EYA4: variants seen among roughly 807,000 people sequenced by gnomAD.
EYA4 encodes the protein protein phosphatase EYA4.
Under a neutral mutation model 87.9 loss-of-function variants are expected in EYA4, and 31 were observed. The observed-to-expected ratio is 0.35, with a 90% CI of 0.27 to 0.48. EYA4 has a LOEUF of 0.48. Among genes scored for constraint, EYA4 ranks in the 20% least tolerant of loss-of-function variants. The probability of loss-of-function intolerance (pLI) is 0.99; values close to 1 mark genes in which losing one functional copy is unlikely to be tolerated. For missense variants in EYA4, 678 were observed against 761.4 expected, an observed-to-expected ratio of 0.89 and a Z score of 1.29; for synonymous variants, 263 against 270.6, an observed-to-expected ratio of 0.97 and a Z score of 0.28.
intron 17 of EYA4, among the ~76,000 whole-genome samples, chr6:133,521,115 G>A (rs1474941531): frequency 6.6e-6 from 1 of 150,540 alleles, no homozygotes; most frequent in African/African-American, 2.4e-5. Context: ...TTGACAAATG[G>A]GATCTAATTA....
At chr6:133,324,659 C>G (rs916967251) in intron 2 of EYA4, among the ~76,000 whole-genome samples, 3 of 151,904 alleles carry the variant, frequency 2.0e-5, no homozygotes, top group Non-Finnish European at 4.4e-5. Flanking sequence ...GATAGGAGAC[C>G]AATACCAGGT....
chr6:133,387,006 C>A (rs1353622382), intron 3 of EYA4, among the ~76,000 whole-genome samples: 1 of 152,118 alleles, frequency 6.6e-6, no homozygotes, highest in Admixed American at 6.5e-5. Context: ...CTAGTCTTTA[C>A]TAACTTTCCA....
At chr6:133,527,082 A>G (rs1732189025) in intron 19 of EYA4, among the ~76,000 whole-genome samples, 2 of 152,224 alleles carry the variant, frequency 1.3e-5, no homozygotes, top group African/African-American at 4.8e-5. Flanking sequence ...ATGGAAAACA[A>G]TCTCAGATAG....
chr6:133,422,132 G>A (rs1344194615), intron 3 of EYA4, among the ~76,000 whole-genome samples: 7 of 151,940 alleles, frequency 4.6e-5, no homozygotes, highest in Admixed American at 2.0e-4. Flanking sequence ...CCTATATAAG[G>A]CCTTATAATC....
intron 11 of EYA4, among the ~76,000 whole-genome samples, chr6:133,479,677 A>AATTGTCACTTTATACATATAATTTAAATC (rs1363604591): frequency 1.3e-5 from 2 of 152,176 alleles, no homozygotes; most frequent in African/African-American, 4.8e-5. Context: ...CTGTCTTGGA[A>AATTGTCACTTTATACATATAATTTAAATC]ATTGTCACTT....
chr6:133,296,109 G>A (rs2128305856), intron 2 of EYA4, among the ~76,000 whole-genome samples: 1 of 152,282 alleles, frequency 6.6e-6, no homozygotes, highest in African/African-American at 2.4e-5. Flanking sequence ...GTGAGCTTAT[G>A]GGAATACATG....
At chr6:133,267,773 G>A (rs1776346677) in intron 1 of EYA4, among the ~76,000 whole-genome samples, 1 of 152,100 alleles carries the variant, frequency 6.6e-6, no homozygotes, top group Admixed American at 6.6e-5. Context: ...CAAAGATGAG[G>A]CTGTTTCTAG....
chr6:133,388,393 TGA>T (rs1410744638), intron 3 of EYA4, among the ~76,000 whole-genome samples: 1 of 136,978 alleles, frequency 7.3e-6, no homozygotes, highest in Non-Finnish European at 1.6e-5. Context: ...GGCAACAGAG[TGA>T]GACTCGGTCT....
Position 133,530,557 on chromosome 6 carries a change from A to G in EYA4, c.*1752A>G, listed in dbSNP as rs931161902. 4.5e-5 allele frequency: 44 copies of G among 985,738 alleles called. No individual in the cohort carries two copies. The highest frequency in any genetic ancestry group is 1.6e-4 in the African/African-American group (9 of 57,240). The allele number at this position is 985,738 out of a possible 1,614,324, so 61.1% of individuals were successfully genotyped here. A position where few individuals can be genotyped will look rare whatever the true frequency, so the allele number is the denominator to read the frequency against. On this transcript the variant is annotated 3_prime_UTR_variant, in exon 20 of 20. Transcript: ENST00000355286. Reference sequence around the variant, plus strand: ...CAGAGGCTGGTTCATGAGTTCATCAACTGAGGCCTCTGTGGCTTCAATAAA... The same window carrying G: ...CAGAGGCTGGTTCATGAGTTCATCAGCTGAGGCCTCTGTGGCTTCAATAAA...
intron 17 of EYA4, among the ~76,000 whole-genome samples, chr6:133,519,642 TTA>T (rs1397252396): frequency 1.3e-5 from 2 of 150,998 alleles, no homozygotes; most frequent in Non-Finnish European, 2.9e-5. Flanking sequence ...CTAACTCATT[TTA>T]TGAGGCCAGC....
intron 2 of EYA4, among the ~76,000 whole-genome samples, chr6:133,341,804 A>T (rs1361232398): frequency 6.6e-6 from 1 of 151,916 alleles, no homozygotes; most frequent in Non-Finnish European, 1.5e-5. Flanking sequence ...TTAAGGGGAA[A>T]AAAAAACTTA....
At chr6:133,441,931 C>T (rs554088973) in intron 3 of EYA4, among the ~76,000 whole-genome samples, 20 of 151,750 alleles carry the variant, frequency 1.3e-4, no homozygotes, top group Non-Finnish European at 2.4e-4. Flanking sequence ...TCTAACAATA[C>T]ATATATTTTT....
chr6:133,345,804 A>G (rs1176072772), intron 2 of EYA4, among the ~76,000 whole-genome samples: 1 of 152,254 alleles, frequency 6.6e-6, no homozygotes, highest in Non-Finnish European at 1.5e-5. Flanking sequence ...TTAATTTTAA[A>G]GGAAAAGTCT....
rs531592222 is a variant in EYA4, at chr6:133,262,946, T to C, written c.-65-11770T>C. ...TTTCTACGGCCAGGGAGGAGAGTCA[T>C]GTGCATAGTCCAAGAATGTGCATCT... On this transcript the variant is annotated intron_variant, in intron 1 of 19. Coordinates refer to ENST00000355286, the MANE Select transcript of EYA4 (RefSeq NM_004100.5). 2.0e-5 allele frequency among the ~76,000 whole-genome samples: 3 copies of C among 152,172 alleles called. No homozygotes were observed. The East Asian group carries it at 5.8e-4, about 29-fold the overall frequency.
At chr6:133,297,043 T>C (rs936164246) in intron 2 of EYA4, among the ~76,000 whole-genome samples, 1 of 152,244 alleles carries the variant, frequency 6.6e-6, no homozygotes, top group Non-Finnish European at 1.5e-5. Context: ...GCATTAATTC[T>C]TTCTGGTGAA....
intron 1 of EYA4, among the ~76,000 whole-genome samples, chr6:133,269,115 C>A (rs1019799375): frequency 1.6e-4 from 24 of 152,106 alleles, no homozygotes; most frequent in African/African-American, 5.6e-4. Context: ...AAAAATTAGC[C>A]AGGCGTGGTG....
intron 2 of EYA4, among the ~76,000 whole-genome samples, chr6:133,308,168 G>A (rs1242370739): frequency 6.6e-6 from 1 of 152,092 alleles, no homozygotes; most frequent in Non-Finnish European, 1.5e-5. Context: ...AGTCTCAGGT[G>A]TTTCTTCATA....
intron 2 of EYA4, among the ~76,000 whole-genome samples, chr6:133,365,051 C>G (rs571814683): frequency 6.2e-4 from 94 of 152,298 alleles, no homozygotes; most frequent in African/African-American, 2.1e-3. Context: ...TAATACCTAT[C>G]TCAGGCTAGA....
chr6:133,364,627 G>A (rs567974752), intron 2 of EYA4, among the ~76,000 whole-genome samples: 12 of 152,288 alleles, frequency 7.9e-5, no homozygotes, highest in Middle Eastern at 3.4e-3. Context: ...TGAAACTGGC[G>A]GTGGTGCCTC....
Sources: allele counts gnomAD v4.1 joint callset (sites outside exome capture counted in the v4.1 genomes callset), GRCh38; gene constraint gnomAD v4.1.1; transcripts MANE v1.5; gene names NCBI Gene and HGNC (gene_info 2026-07-23, HGNC 2026-07-21).